ZNF804B: variants seen among roughly 807,000 people sequenced by gnomAD.
ZNF804B encodes zinc finger 804B.
Under a neutral mutation model 101.4 loss-of-function variants are expected in ZNF804B, and 80 were observed. The ratio of observed to expected loss-of-function variants is 0.79; its 90% CI spans 0.66 to 0.95. The LOEUF is 0.95. Among genes scored for constraint, ZNF804B ranks in the 40% least tolerant of loss-of-function variants. The pLI is 0.00. For missense variants in ZNF804B, 1,673 were observed against 1,561.9 expected, an observed-to-expected ratio of 1.07 and a Z score of -1.20; for synonymous variants, 622 against 558.8, an observed-to-expected ratio of 1.11 and a Z score of -1.59.
intron 2 of ZNF804B, among the ~76,000 whole-genome samples, chr7:89,225,518 T>G (rs1789076132): frequency 6.6e-6 from 1 of 152,082 alleles, no homozygotes. Flanking sequence ...ATAGTAACAT[T>G]CAGTAGATTT....
chr7:89,256,760 A>G (rs1281136889), intron 2 of ZNF804B, among the ~76,000 whole-genome samples: 1 of 152,172 alleles, frequency 6.6e-6, no homozygotes, highest in African/African-American at 2.4e-5. Flanking sequence ...AAATTACATG[A>G]AAGTTAAGTG....
chr7:89,162,037 T>G (rs1168786130), intron 1 of ZNF804B, among the ~76,000 whole-genome samples: 1 of 152,154 alleles, frequency 6.6e-6, no homozygotes, highest in East Asian at 1.9e-4. Context: ...ATATGTCATC[T>G]TTGAAAAGCT....
chr7:89,065,631 G>A (rs1230460671), intron 1 of ZNF804B, among the ~76,000 whole-genome samples: 2 of 152,064 alleles, frequency 1.3e-5, no homozygotes, highest in Admixed American at 1.3e-4. Flanking sequence ...AGATCTGGAG[G>A]TCAGAAGTCT....
intron 1 of ZNF804B, among the ~76,000 whole-genome samples, chr7:88,928,588 G>T (rs1372016875): frequency 6.6e-6 from 1 of 152,078 alleles, no homozygotes; most frequent in Admixed American, 6.6e-5. Flanking sequence ...AGATCCAGGG[G>T]TGTTTCCCTT....
At chr7:89,290,303 T>A (rs1790266948) in intron 2 of ZNF804B, among the ~76,000 whole-genome samples, 1 of 151,754 alleles carries the variant, frequency 6.6e-6, no homozygotes, top group Non-Finnish European at 1.5e-5. Context: ...ATGGCTACAG[T>A]GAGAGAGAAC....
Position 89,187,628 on chromosome 7 carries a change from A to G in ZNF804B, c.109-30527A>G, listed in dbSNP as rs988554124. ...TTGTCTGCAGTGGCAAAGTTTGGAG[A>G]AGCAAGTGAGTATTCATTTTTTCTA... On this transcript the variant is annotated intron_variant, in intron 1 of 3. Coordinates refer to ENST00000333190, the MANE Select transcript of ZNF804B (RefSeq NM_181646.5). Among the ~76,000 whole-genome samples the G allele has an allele frequency of 2.0e-5, 3 of 152,150 alleles. No homozygotes were observed. The East Asian group carries it at 5.8e-4, about 29-fold the overall frequency.
intron 1 of ZNF804B, among the ~76,000 whole-genome samples, chr7:88,805,032 T>TA (rs979306581): frequency 3.9e-5 from 6 of 152,166 alleles, no homozygotes; most frequent in Non-Finnish European, 5.9e-5. Context: ...TTTCAGTGGA[T>TA]AAAGTGGTGT....
chr7:89,099,461 AG>A (rs1265967243), intron 1 of ZNF804B, among the ~76,000 whole-genome samples: 3 of 152,208 alleles, frequency 2.0e-5, no homozygotes, highest in Admixed American at 6.5e-5. Flanking sequence ...ACTAAGAAAT[AG>A]ATGCACCTCT....
At chr7:88,826,946 G>T (rs1481447419) in intron 1 of ZNF804B, among the ~76,000 whole-genome samples, 1 of 152,044 alleles carries the variant, frequency 6.6e-6, no homozygotes, top group Non-Finnish European at 1.5e-5. Flanking sequence ...ATGTTTCCAA[G>T]ATAAAACAGT....
rs947112771 is a variant in ZNF804B at position 88,888,211 on chromosome 7, C to T, written c.108+128127C>T. Among the ~76,000 whole-genome samples the T allele has an allele frequency of 4.6e-5, 7 of 151,916 alleles. No homozygotes were observed. In the East Asian group the frequency reaches 7.7e-4, roughly 17 times the overall value. On this transcript the variant is annotated intron_variant, in intron 1 of 3. Transcript: ENST00000333190. ...TTCGAGACCAGTCTGGCCAACATGG[C>T]GAAACCCCATCTCTATGAAAAGTAT...
At chr7:88,840,633 C>T (rs530042423) in intron 1 of ZNF804B, among the ~76,000 whole-genome samples, 2 of 152,104 alleles carry the variant, frequency 1.3e-5, no homozygotes, top group South Asian at 4.1e-4. Flanking sequence ...AAACCATTTT[C>T]TATCAGATTA....
intron 1 of ZNF804B, among the ~76,000 whole-genome samples, chr7:88,871,123 A>C (rs937549645): frequency 6.6e-6 from 1 of 152,234 alleles, no homozygotes; most frequent in Non-Finnish European, 1.5e-5. Context: ...ATTTAGGAAT[A>C]AATGATTGAT....
intron 1 of ZNF804B, among the ~76,000 whole-genome samples, chr7:88,779,263 T>C (rs1790189830): frequency 6.6e-6 from 1 of 152,210 alleles, no homozygotes; most frequent in South Asian, 2.1e-4. Context: ...GCCTGGGCTA[T>C]GCATTTTAAA....
intron 1 of ZNF804B, among the ~76,000 whole-genome samples, chr7:89,193,872 C>T (rs1206099183): frequency 2.0e-5 from 3 of 151,892 alleles, no homozygotes; most frequent in Non-Finnish European, 4.4e-5. Flanking sequence ...GTTCTAGATC[C>T]CTGAGGAATC....
intron 2 of ZNF804B, among the ~76,000 whole-genome samples, chr7:89,303,118 G>C (rs1427668317): frequency 6.6e-6 from 1 of 151,802 alleles, no homozygotes; most frequent in African/African-American, 2.4e-5. Context: ...AAAAAGCCAA[G>C]ATGTTTCTGG....
At position 88,820,411 on chromosome 7, in the gene ZNF804B, C is replaced by A. The variant is rs926895498; in HGVS notation, c.108+60327C>A. 2.0e-5 allele frequency among the ~76,000 whole-genome samples: 3 copies of A among 152,084 alleles called. No homozygotes were observed. The East Asian group carries it at 5.8e-4, about 29-fold the overall frequency. On this transcript the variant is annotated intron_variant, in intron 1 of 3. Transcript: ENST00000333190. ...AGGTGTTCCAGTGAGTGGGTTCAGA[C>A]CTTCACAGGCAGCAGGAGAGGCAAT...
chr7:89,317,086 A>G (rs953626758), intron 2 of ZNF804B, among the ~76,000 whole-genome samples: 10 of 152,190 alleles, frequency 6.6e-5, no homozygotes, highest in African/African-American at 2.4e-4. Flanking sequence ...AGGTATACAG[A>G]GACTAAGACT....
intron 1 of ZNF804B, among the ~76,000 whole-genome samples, chr7:89,130,605 T>C (rs1395942474): frequency 1.3e-5 from 2 of 151,812 alleles, no homozygotes; most frequent in Non-Finnish European, 2.9e-5. Context: ...AGGGGTGAAA[T>C]GAATACGAGA....
At chr7:89,058,403 ATAT>A (rs35137225) in intron 1 of ZNF804B, among the ~76,000 whole-genome samples, 67,611 of 151,684 alleles carry the variant, frequency 0.45, 15,875 homozygotes, top group Non-Finnish European at 0.52. Context: ...TTTTATATTG[ATAT>A]TATCACTATA....
Sources: gnomAD v4.1 joint callset for allele counts (sites outside exome capture counted in the v4.1 genomes callset) on GRCh38, gnomAD v4.1.1 for gene constraint, MANE v1.5 for transcripts, NCBI Gene and HGNC (gene_info 2026-07-23, HGNC 2026-07-21) for gene names.